The following CACNA1A variants were observed in gnomAD, a reference collection of about 807,000 sequenced individuals.
CACNA1A encodes the protein voltage-dependent P/Q-type calcium channel subunit alpha-1A.
In CACNA1A, 57 loss-of-function variants were observed where a neutral mutation model predicts 262.4. The observed-to-expected ratio is 0.22, with a 90% CI of 0.18 to 0.27. CACNA1A has a LOEUF of 0.27. Among genes scored for constraint, CACNA1A ranks in the 10% least tolerant of loss-of-function variants. The pLI is 1.00. For synonymous variants in CACNA1A, 1,431 were observed against 1,419.3 expected, an observed-to-expected ratio of 1.01 and a Z score of -0.18; for missense variants, 2,526 against 3,562.8, an observed-to-expected ratio of 0.71 and a Z score of 7.41.
At chr19:13,285,835 CCTTAGGAT>C (rs971654470) in intron 20 of CACNA1A, among the ~76,000 whole-genome samples, 1 of 151,896 alleles carries the variant, frequency 6.6e-6, no homozygotes, top group African/African-American at 2.4e-5. Flanking sequence ...AGTGACAAGA[CCTTAGGAT>C]CTTAGGTCTC....
chr19:13,436,874 G>A (rs1230924309), intron 3 of CACNA1A, among the ~76,000 whole-genome samples: 2 of 152,232 alleles, frequency 1.3e-5, no homozygotes, highest in Non-Finnish European at 2.9e-5. Flanking sequence ...TGAGGCCTGA[G>A]AGTGCCCCTT....
At chr19:13,412,804 CTAAAA>C (rs1447794239) in intron 3 of CACNA1A, among the ~76,000 whole-genome samples, 1 of 152,094 alleles carries the variant, frequency 6.6e-6, no homozygotes, top group Non-Finnish European at 1.5e-5. Context: ...CTAAATTACT[CTAAAA>C]TAAATATTTA....
At chr19:13,366,827 A>G (rs1272261143) in intron 4 of CACNA1A, among the ~76,000 whole-genome samples, 1 of 152,130 alleles carries the variant, frequency 6.6e-6, no homozygotes, top group Non-Finnish European at 1.5e-5. Flanking sequence ...TGGGTAGGAA[A>G]GCGGTTGGCG....
intron 31 of CACNA1A, among the ~76,000 whole-genome samples, chr19:13,238,595 A>ATTTTT (rs113456944): frequency 0.87 from 128,170 of 147,304 alleles, 55,754 homozygotes; most frequent in Non-Finnish European, 0.9. Flanking sequence ...ATCACCCAGT[A>ATTTTT]TTTTTTTTTT....
At chr19:13,268,893 CTTTTTTT>C (rs3050832) in intron 24 of CACNA1A, among the ~76,000 whole-genome samples, 3,834 of 107,906 alleles carry the variant, frequency 0.036, 88 homozygotes, top group South Asian at 0.076. Flanking sequence ...ATAGATTCTA[CTTTTTTT>C]TTTTTTTTTT....
At chr19:13,230,985 ATGT>A (rs2055642644) in intron 35 of CACNA1A, among the ~76,000 whole-genome samples, 1 of 142,358 alleles carries the variant, frequency 7.0e-6, no homozygotes, top group Non-Finnish European at 1.5e-5. Flanking sequence ...TTCCCTCGCA[ATGT>A]TTTTTTTTTT....
chr19:13,360,958 A>G (rs1005232246), intron 5 of CACNA1A, among the ~76,000 whole-genome samples: 3 of 152,156 alleles, frequency 2.0e-5, no homozygotes, highest in African/African-American at 7.2e-5. Flanking sequence ...ACCTCTGTTG[A>G]GACAAACTTT....
Position 13,207,615 on chromosome 19 carries a change from G to A in CACNA1A, c.7219C>T (p.His2407Tyr). Residue 2407 changes from histidine (H) to tyrosine (Y), a missense_variant, in exon 47 of 47, where the codon CAT becomes TAT. By Grantham distance (83) the His-to-Tyr change is moderately conservative. This residue lies in a region of CACNA1A where 929 missense variants were observed against 868.1 expected (regional missense o/e 1.07). Coordinates refer to ENST00000360228, the MANE Select transcript of CACNA1A (RefSeq NM_001127222.2). The surrounding 1 kb of genome is among the most constrained non-coding windows in gnomAD (Gnocchi z 5.7). ...VSEGPPGPRH[H>Y]GYYRGSDYDE... The stretch of plus-strand genomic sequence containing the variant: ...TAGTCGGAGCCCCGGTAGTAGCCAT[G>A]GTGCCGGGGACCCGGGGGCCCCTCG... 1.4e-6 allele frequency: 2 copies of A among 1,480,472 alleles called. No individual in the cohort carries two copies. Among genetic ancestry groups the A allele is most frequent in the Non-Finnish European group, 1.8e-6 (2 of 1,115,772 alleles). 91.7% of individuals were successfully genotyped at this position (1,480,472 alleles called of 1,614,324 possible).
chr19:13,395,830 C>T (rs1265676094), intron 3 of CACNA1A, among the ~76,000 whole-genome samples: 2 of 151,656 alleles, frequency 1.3e-5, no homozygotes, highest in African/African-American at 4.9e-5. Flanking sequence ...ACCAAGAGAG[C>T]CCCCCCTCCA....
chr19:13,419,437 A>G (rs566346292), intron 3 of CACNA1A, among the ~76,000 whole-genome samples: 7 of 152,204 alleles, frequency 4.6e-5, no homozygotes, highest in African/African-American at 1.2e-4. Context: ...GCACTTTGGG[A>G]GGTTAAGGTG....
At chr19:13,353,237 G>A (rs2058946414) in intron 6 of CACNA1A, among the ~76,000 whole-genome samples, 1 of 151,684 alleles carries the variant, frequency 6.6e-6, no homozygotes, top group Non-Finnish European at 1.5e-5. Context: ...TCCTGTCTCA[G>A]CCTCCTGAGT....
chr19:13,393,779 C>T lies in CACNA1A; in HGVS notation c.540-22000G>A, dbSNP rs59216050. ...TTCCTTCCCTTCCCTCCCTCCCTCC[C>T]TCCTTCCTTCCTTCCTTCCCTCCCT... On this transcript the variant is annotated intron_variant, in intron 3 of 46. Transcript: ENST00000360228. 4.8e-3 allele frequency among the ~76,000 whole-genome samples: 469 copies of T among 98,450 alleles called. 4 individuals are homozygous for T. The highest frequency in any genetic ancestry group is 0.014 in the African/African-American group (423 of 30,036). The allele number at this position is 98,450 out of a possible 152,430, so 64.6% of individuals were successfully genotyped here.
intron 28 of CACNA1A, among the ~76,000 whole-genome samples, chr19:13,255,471 G>T (rs1332591615): frequency 1.3e-5 from 2 of 151,978 alleles, no homozygotes; most frequent in African/African-American, 4.8e-5. Context: ...GTCACCAACT[G>T]CCAAAACTTG....
At chr19:13,219,013 C>T (rs924936574) in intron 38 of CACNA1A, among the ~76,000 whole-genome samples, 3 of 149,486 alleles carry the variant, frequency 2.0e-5, no homozygotes, top group African/African-American at 4.9e-5. Context: ...GGATTACAGG[C>T]GTAAGCCACC....
intron 1 of CACNA1A, among the ~76,000 whole-genome samples, chr19:13,479,986 G>A (rs2145076041): frequency 6.6e-6 from 1 of 152,360 alleles, no homozygotes; most frequent in East Asian, 1.9e-4. Flanking sequence ...TATAATGGCA[G>A]AGTAGAGTGG....
chr19:13,325,476 G>T (rs555465063), intron 10 of CACNA1A, among the ~76,000 whole-genome samples: 1 of 152,058 alleles, frequency 6.6e-6, no homozygotes, highest in Non-Finnish European at 1.5e-5. Flanking sequence ...ATAAATAAAG[G>T]CTCACTCTAT....
intron 1 of CACNA1A, among the ~76,000 whole-genome samples, chr19:13,464,543 A>T (rs987339535): frequency 7.8e-5 from 10 of 128,960 alleles, no homozygotes; most frequent in Admixed American, 3.1e-4. Context: ...AACTTTTCCA[A>T]TTTTTTTTTT....
chr19:13,256,836 T>C (rs1309540339), intron 28 of CACNA1A: 1 of 152,388 alleles, frequency 6.6e-6, no homozygotes, highest in Non-Finnish European at 1.5e-5. Flanking sequence ...TAGGGGAGAT[T>C]GTATTTGCCC....
At chr19:13,210,725 A>G in intron 43 of CACNA1A, 73 bp from the exon 44 acceptor site, 1 of 1,462,314 alleles carries the variant, frequency 6.8e-7, no homozygotes, top group Non-Finnish European at 9.4e-7. Flanking sequence ...GGCAAGAGGG[A>G]GAGTGAGGAG....
Sources: gnomAD v4.1 joint callset for allele counts (sites outside exome capture counted in the v4.1 genomes callset) on GRCh38, gnomAD v4.1.1 for gene constraint, gnomAD v4.1.1 regional missense constraint, Gnocchi (gnomAD v3.1) non-coding constraint, MANE v1.5 for transcripts, NCBI Gene and HGNC (gene_info 2026-07-23, HGNC 2026-07-21) for gene names.